The following DCLK1 variants were observed in gnomAD, a reference collection of about 807,000 sequenced individuals.
DCLK1 encodes doublecortin like kinase 1.
In DCLK1, 16 loss-of-function variants were observed where a neutral mutation model predicts 86.2. That is an observed-to-expected ratio of 0.19 (90% CI 0.13 to 0.28). DCLK1 has a LOEUF of 0.28. Among genes scored for constraint, DCLK1 ranks in the 10% least tolerant of loss-of-function variants. The pLI is 1.00. For synonymous variants in DCLK1, 369 were observed against 370.5 expected, an observed-to-expected ratio of 1.00 and a Z score of 0.05; for missense variants, 590 against 940.2, an observed-to-expected ratio of 0.63 and a Z score of 4.87.
At chr13:35,963,657 T>C (rs574961930) in intron 3 of DCLK1, among the ~76,000 whole-genome samples, 73 of 152,314 alleles carry the variant, frequency 4.8e-4, no homozygotes, top group Non-Finnish European at 7.2e-4. Context: ...AATCTTCAGG[T>C]GTTTAGGAAA....
chr13:35,902,700 TG>T (rs1370285317), intron 4 of DCLK1, among the ~76,000 whole-genome samples: 1 of 151,926 alleles, frequency 6.6e-6, no homozygotes, highest in Non-Finnish European at 1.5e-5. Context: ...CTTAAGGCGG[TG>T]GGGGGTGCTG....
At position 35,822,894 on chromosome 13, in the gene DCLK1, C is replaced by G. The variant is rs3751346; in HGVS notation, c.1408-19G>C. Reference sequence around the variant, plus strand: ...CTCCCCCCTGAGAAGAGAACAGAAGCTGAAGCAGCACATTAACAGACGGGC... The same window carrying G: ...CTCCCCCCTGAGAAGAGAACAGAAGGTGAAGCAGCACATTAACAGACGGGC... On this transcript the variant is annotated intron_variant, in intron 10 of 16. Coordinates refer to ENST00000360631, the MANE Select transcript of DCLK1 (RefSeq NM_001330071.2). 0.26 allele frequency: 422,658 copies of G among 1,612,616 alleles called. 59,146 individuals carry two copies. Among genetic ancestry groups the G allele is most frequent in the African/African-American group, 0.53 (39,554 of 74,826 alleles).
chr13:36,069,360 A>T (rs1325349992), intron 3 of DCLK1, among the ~76,000 whole-genome samples: 1 of 152,232 alleles, frequency 6.6e-6, no homozygotes, highest in Non-Finnish European at 1.5e-5. Context: ...AACAGAAATA[A>T]AGACAAGAAG....
At chr13:35,894,345 A>G (rs1188449055) in intron 4 of DCLK1, among the ~76,000 whole-genome samples, 1 of 152,226 alleles carries the variant, frequency 6.6e-6, no homozygotes, top group South Asian at 2.1e-4. Flanking sequence ...GCTACACGGC[A>G]TCTGCGCCAG....
chr13:35,971,046 A>T (rs1593780212), intron 3 of DCLK1, among the ~76,000 whole-genome samples: 1 of 152,308 alleles, frequency 6.6e-6, no homozygotes, highest in East Asian at 1.9e-4. Context: ...AGGCAAGAGC[A>T]GATGCCCCAG....
intron 11 of DCLK1, among the ~76,000 whole-genome samples, chr13:35,813,117 G>A (rs1444208791): frequency 1.3e-5 from 2 of 152,178 alleles, no homozygotes; most frequent in African/African-American, 2.4e-5. Context: ...AGATGGTCTC[G>A]TTGATTTCCG....
In DCLK1 at chr13:36,078,612, T is replaced by A. The variant is rs74911471; in HGVS notation, c.723+33257A>T. On this transcript the variant is annotated intron_variant, in intron 3 of 16. Transcript: ENST00000360631. ...TCAGGGTGTCCAGAGGGATGAGCTA[T>A]CTCCAAATGAAGATGAAGTATCTGA... Among the ~76,000 whole-genome samples, 18 of 152,304 alleles carry A rather than the reference T, an allele frequency of 1.2e-4. No homozygotes were observed. In the East Asian group the frequency reaches 3.5e-3, roughly 29 times the overall value.
intron 3 of DCLK1, among the ~76,000 whole-genome samples, chr13:35,969,183 C>T (rs1878942744): frequency 6.6e-6 from 1 of 152,168 alleles, no homozygotes; most frequent in African/African-American, 2.4e-5. Flanking sequence ...AGTCCTGACT[C>T]CACTGGTATG....
chr13:36,064,530 G>A (rs1227307813), intron 3 of DCLK1, among the ~76,000 whole-genome samples: 2 of 151,950 alleles, frequency 1.3e-5, no homozygotes, highest in Admixed American at 1.3e-4. Context: ...GTGGTGGCGT[G>A]TGCCTATAAT....
At chr13:35,854,003 T>C (rs1870859488) in intron 6 of DCLK1, among the ~76,000 whole-genome samples, 1 of 152,116 alleles carries the variant, frequency 6.6e-6, no homozygotes, top group African/African-American at 2.4e-5. Flanking sequence ...TAAATGCAAG[T>C]AGTGATGAAA....
Position 35,792,153 on chromosome 13 carries a change from T to C in DCLK1, c.2058+1213A>G, listed in dbSNP as rs921055024. Among the ~76,000 whole-genome samples the C allele has an allele frequency of 5.3e-5, 8 of 152,196 alleles. No individual in the cohort carries two copies. The East Asian group carries it at 1.5e-3, about 29-fold the overall frequency. ...CGGCACTGAGGAACATCTGGAAGAG[T>C]AGGCATTCCCTTTCACTTTACACAT... On this transcript the variant is annotated intron_variant, in intron 16 of 16. Coordinates refer to ENST00000360631, the MANE Select transcript of DCLK1 (RefSeq NM_001330071.2).
At chr13:35,977,743 G>T (rs1031225159) in intron 3 of DCLK1, among the ~76,000 whole-genome samples, 1 of 151,734 alleles carries the variant, frequency 6.6e-6, no homozygotes. Flanking sequence ...ATCAACTCTG[G>T]TCTGCTCTTC....
In DCLK1 at chr13:35,966,677, G is replaced by A. The variant is rs142589566; in HGVS notation, c.724-19220C>T. ...GCACCGCCACGCCTGACTGGTTTTC[G>A]TATTTTTTGGTGGAGACGGGGTTTC... On this transcript the variant is annotated intron_variant, in intron 3 of 16. Transcript: ENST00000360631. Among the ~76,000 whole-genome samples the A allele has an allele frequency of 8.0e-3, 1,218 of 152,114 alleles. 25 individuals are homozygous for A. Among genetic ancestry groups the A allele is most frequent in the East Asian group, 0.062 (320 of 5,132 alleles).
chr13:35,777,385 C>G lies in DCLK1; in HGVS notation c.2059-2686G>C, dbSNP rs146613622. ...GAGACTTGCCCATGTGCATTGCTAACTAGGAACAGAACTCAGTCTTCTCCT... is the reference window on the plus strand; with the variant it reads ...GAGACTTGCCCATGTGCATTGCTAAGTAGGAACAGAACTCAGTCTTCTCCT... On this transcript the variant is annotated intron_variant, in intron 16 of 16. Transcript: ENST00000360631. Among the ~76,000 whole-genome samples the G allele has an allele frequency of 2.2e-3, 335 of 152,348 alleles. 1 individual carries two copies. Among genetic ancestry groups the G allele is most frequent in the African/African-American group, 7.8e-3 (323 of 41,590 alleles).
chr13:36,104,379 G>A (rs573027832), intron 3 of DCLK1, among the ~76,000 whole-genome samples: 6 of 152,278 alleles, frequency 3.9e-5, no homozygotes, highest in East Asian at 1.9e-4. Flanking sequence ...CTATAAAATC[G>A]AAAGGAGGAG....
chr13:35,922,973 G>A (rs979473884), intron 4 of DCLK1, among the ~76,000 whole-genome samples: 2 of 152,162 alleles, frequency 1.3e-5, no homozygotes, highest in African/African-American at 2.4e-5. Flanking sequence ...TCATGGGAAC[G>A]ATGCACCAGA....
intron 3 of DCLK1, among the ~76,000 whole-genome samples, chr13:35,963,207 T>A (rs1593773362): frequency 6.6e-6 from 1 of 152,310 alleles, no homozygotes; most frequent in South Asian, 2.1e-4. Context: ...CAATGTCTCT[T>A]CTAGCTCTTT....
intron 3 of DCLK1, among the ~76,000 whole-genome samples, chr13:35,988,113 G>C (rs5008124): frequency 0.22 from 33,400 of 152,118 alleles, 4,240 homozygotes; most frequent in African/African-American, 0.34. Flanking sequence ...GGGGCTGGAA[G>C]ACCCAGCCCC....
At chr13:36,059,554 G>T (rs951935430) in intron 3 of DCLK1, among the ~76,000 whole-genome samples, 1 of 152,142 alleles carries the variant, frequency 6.6e-6, no homozygotes, top group Non-Finnish European at 1.5e-5. Context: ...AGAAATACAA[G>T]CACAAAAGAA....
Sources: allele counts gnomAD v4.1 joint callset (sites outside exome capture counted in the v4.1 genomes callset), GRCh38; gene constraint gnomAD v4.1.1; transcripts MANE v1.5; gene names NCBI Gene and HGNC (gene_info 2026-07-23, HGNC 2026-07-21).